Variants in ZNF404 observed in about 807,000 individuals in gnomAD.
The protein encoded by ZNF404 is zinc finger protein 404.
A neutral mutation model predicts 7.3 loss-of-function variants in ZNF404; 7 were observed. That is an observed-to-expected ratio of 0.95 (90% confidence interval 0.54 to 1.79). ZNF404 has a LOEUF of 1.79. Among genes scored for constraint, ZNF404 ranks in the 40% most tolerant of loss-of-function variants. The probability of loss-of-function intolerance (pLI) is 0.00; values close to 1 mark genes in which losing one functional copy is unlikely to be tolerated. For missense variants in ZNF404, 560 were observed against 661.5 expected, an observed-to-expected ratio of 0.85 and a Z score of 1.68; for synonymous variants, 191 against 209.9, an observed-to-expected ratio of 0.91 and a Z score of 0.78.
Position 43,873,008 on chromosome 19 carries a change from CTGATGT to C in ZNF404, c.1200_1205del (p.His401_Gln402del). 1 of 1,603,164 alleles carries C rather than the reference CTGATGT, an allele frequency of 6.2e-7. No individual in the cohort carries two copies. Among genetic ancestry groups the C allele is most frequent in the Non-Finnish European group, 8.5e-7 (1 of 1,173,818 alleles). ...ATGGCTTCAAATCAGTATGAATTAT[CTGATGT>C]TGAATAAGATATGAATGAAGCTTAA... On this transcript the variant is annotated inframe_deletion, in exon 3 of 3. Transcript: ENST00000587539.
At chr19:43,879,280 A>C (rs1971876195) in intron 2 of ZNF404, among the ~76,000 whole-genome samples, 1 of 152,194 alleles carries the variant, frequency 6.6e-6, no homozygotes, top group Admixed American at 6.6e-5. Context: ...TAGAAAACAG[A>C]ATAAGTGAGC....
rs1452536661 is a variant in ZNF404, at chr19:43,872,490, TTC to T, written c.*63_*64del. ...ATATTCTATATTAACTAGTTTAATCTTCACTATAGCATCATAATAGTGACAAC... is the reference window on the plus strand; with the variant it reads ...ATATTCTATATTAACTAGTTTAATCTACTATAGCATCATAATAGTGACAAC... On this transcript the variant is annotated 3_prime_UTR_variant, in exon 3 of 3. Coordinates refer to ENST00000587539, the MANE Select transcript of ZNF404 (RefSeq NM_001033719.3). The surrounding 1 kb of genome is among the most constrained non-coding windows in gnomAD (Gnocchi z 4.4). 1 of 1,297,876 alleles carries T rather than the reference TTC, an allele frequency of 7.7e-7. No homozygotes were observed. The highest frequency in any genetic ancestry group is 1.5e-5 in the African/African-American group (1 of 66,980). The allele number at this position is 1,297,876 out of a possible 1,614,324, so 80.4% of individuals were successfully genotyped here.
At chr19:43,874,155 G>A (rs1017104454) in intron 2 of ZNF404, 78 bp from the exon 3 acceptor site, 66 of 987,110 alleles carry the variant, frequency 6.7e-5, no homozygotes, top group Non-Finnish European at 8.6e-5. Flanking sequence ...ATTAAAAATA[G>A]TGATAAACTA....
At chr19:43,883,892 T>C (rs1344077330) in intron 1 of ZNF404, 64 bp downstream of exon 1, 17 of 1,568,458 alleles carry the variant, frequency 1.1e-5, no homozygotes, top group Non-Finnish European at 7.8e-6. Flanking sequence ...ATTAAAAAAA[T>C]GAAAATATTA....
chr19:43,883,037 G>C lies in ZNF404; in HGVS notation c.9+919C>G, dbSNP rs1430234035. ...AATCGCTTGAACCTGGGCAGCAGAG[G>C]TTGCAGTGAGCCAAGATAACGCCAC... On this transcript the variant is annotated intron_variant, in intron 1 of 2. Transcript: ENST00000587539. Among the ~76,000 whole-genome samples the C allele has an allele frequency of 3.3e-5, 5 of 151,966 alleles. No homozygotes were observed. The East Asian group carries it at 9.7e-4, about 30-fold the overall frequency.
At chr19:43,880,554 C>G (rs533243111) in intron 1 of ZNF404, among the ~76,000 whole-genome samples, 43 of 152,210 alleles carry the variant, frequency 2.8e-4, no homozygotes, top group African/African-American at 9.6e-4. Context: ...ATTATAAAAT[C>G]TTTTCCAGCC....
chr19:43,879,218 A>G (rs575767088), intron 2 of ZNF404, among the ~76,000 whole-genome samples: 5 of 152,330 alleles, frequency 3.3e-5, no homozygotes, highest in South Asian at 4.1e-4. Context: ...AGAGAATTAA[A>G]TTGAATTTCT....
intron 1 of ZNF404, among the ~76,000 whole-genome samples, chr19:43,881,418 T>C (rs951065593): frequency 7.9e-5 from 12 of 152,160 alleles, no homozygotes; most frequent in Non-Finnish European, 1.6e-4. Context: ...TAAACATAAA[T>C]GGCATTTTAA....
intron 1 of ZNF404, among the ~76,000 whole-genome samples, chr19:43,882,234 C>T (rs942622510): frequency 6.6e-6 from 1 of 152,008 alleles, no homozygotes; most frequent in African/African-American, 2.4e-5. Context: ...AAACAAGTGA[C>T]TAAAGGCAAT....
chr19:43,877,582 AT>A (rs1328528741), intron 2 of ZNF404, among the ~76,000 whole-genome samples: 2 of 151,688 alleles, frequency 1.3e-5, no homozygotes, highest in African/African-American at 4.8e-5. Context: ...TTATTTATTT[AT>A]TTATTTTTTA....
At position 43,873,255 on chromosome 19, in the gene ZNF404, C is replaced by T. The variant is rs377482373; in HGVS notation, c.959G>A (p.Ser320Asn). ...TTCATGAGGTTTCTCACCAGTATGA[C>T]TTCTTTGATGTTCAACAAGTAGATA... ...RSYLLVEHQR[S>N]HTGEKPHECM... The change falls in exon 3 of 3, where the codon AGT (serine) becomes AAT (asparagine). Residue 320 changes from serine (S) to asparagine (N), a missense_variant. Physicochemically the swap from Ser to Asn is conservative, Grantham distance 46 (BLOSUM62 1). Coordinates refer to ENST00000587539, the MANE Select transcript of ZNF404 (RefSeq NM_001033719.3). 3 of 1,613,594 alleles carry T rather than the reference C, an allele frequency of 1.9e-6. No individual in the cohort carries two copies. Among genetic ancestry groups the T allele is most frequent in the Non-Finnish European group, 2.5e-6 (3 of 1,179,654 alleles).
intron 2 of ZNF404, among the ~76,000 whole-genome samples, chr19:43,875,212 T>C (rs918808651): frequency 6.6e-6 from 1 of 152,236 alleles, no homozygotes; most frequent in African/African-American, 2.4e-5. Context: ...ATTCTTTCCT[T>C]TGCATAGCCA....
chr19:43,872,901 G>A lies in ZNF404; in HGVS notation c.1313C>T (p.Pro438Leu). 6.2e-7 allele frequency: 1 copy of A among 1,607,872 alleles called. No individual in the cohort carries two copies. The highest frequency in any genetic ancestry group is 8.5e-7 in the Non-Finnish European group (1 of 1,176,606). Reference sequence around the variant, plus strand: ...TTTTCCACATTCCTTACATTCATAGGGTTTCTCCCCAGCATGAATTGATTG... The same window carrying A: ...TTTTCCACATTCCTTACATTCATAGAGTTTCTCCCCAGCATGAATTGATTG... ...THQSIHAGEK[P>L]YECKECGKTF... Residue 438 changes from proline to leucine, a missense_variant, in exon 3 of 3, where the codon CCC (proline) becomes CTC (leucine). Coordinates refer to ENST00000587539, the MANE Select transcript of ZNF404 (RefSeq NM_001033719.3). This position sits in a 1 kb window ranked among gnomAD's most constrained non-coding sequence, Gnocchi z 4.4.
Position 43,873,623 on chromosome 19 carries a change from C to T in ZNF404, c.591G>A (p.Arg197=). 2.5e-6 allele frequency: 4 copies of T among 1,613,364 alleles called. No individual in the cohort carries two copies. Among genetic ancestry groups the T allele is most frequent in the Non-Finnish European group, 3.4e-6 (4 of 1,179,642 alleles). ...YECNGCEKAF[R]FYSQLIQHQI... is the part of the protein sequence containing the mutation. ...GATGCTGAATAAGCTGTGAATAAAACCTAAAGGCCTTCTCACATCCATTGC... is the reference window on the plus strand; with the variant it reads ...GATGCTGAATAAGCTGTGAATAAAATCTAAAGGCCTTCTCACATCCATTGC... The change falls in exon 3 of 3, where the codon AGG becomes AGA. Residue 197 remains arginine, a synonymous_variant. Transcript: ENST00000587539.
At chr19:43,880,571 G>A (rs763696949) in intron 1 of ZNF404, among the ~76,000 whole-genome samples, 2 of 152,066 alleles carry the variant, frequency 1.3e-5, no homozygotes, top group Non-Finnish European at 2.9e-5. Flanking sequence ...AGCCAACACG[G>A]AATAACAGGG....
chr19:43,875,108 C>T (rs554668009), intron 2 of ZNF404, among the ~76,000 whole-genome samples: 46 of 152,228 alleles, frequency 3.0e-4, no homozygotes, highest in South Asian at 2.1e-3. Flanking sequence ...TCCAAAATAG[C>T]TCAGTCAAGA....
At chr19:43,877,316 C>T (rs893829524) in intron 2 of ZNF404, among the ~76,000 whole-genome samples, 3 of 151,946 alleles carry the variant, frequency 2.0e-5, no homozygotes, top group Admixed American at 6.6e-5. Flanking sequence ...ATATTTTTCC[C>T]CACAAACAGC....
At position 43,872,838 on chromosome 19, in the gene ZNF404, G is replaced by C. The variant is rs746283014; in HGVS notation, c.1376C>G (p.Thr459Arg). Residue 459 changes from threonine (T) to arginine (R), a missense_variant, in exon 3 of 3, where the codon ACA becomes AGA. Thr to Arg is a moderately conservative substitution (Grantham distance 71). Coordinates refer to ENST00000587539, the MANE Select transcript of ZNF404 (RefSeq NM_001033719.3). The surrounding 1 kb of genome is among the most constrained non-coding windows in gnomAD (Gnocchi z 4.4). ...RLNSQLIYHQTIHTGLKPYVC... is the reference protein window; with the variant it reads ...RLNSQLIYHQRIHTGLKPYVC... ...ATAGGGTTTCAAACCAGTATGAATT[G>C]TCTGATGATAAATTAGTTGAGAATT... 6.2e-7 allele frequency: 1 copy of C among 1,609,522 alleles called. No homozygotes were observed. Among genetic ancestry groups the C allele is most frequent in the Non-Finnish European group, 8.5e-7 (1 of 1,177,446 alleles).
intron 2 of ZNF404, among the ~76,000 whole-genome samples, chr19:43,878,816 A>C (rs58002838): frequency 6.6e-6 from 1 of 152,218 alleles, no homozygotes; most frequent in Non-Finnish European, 1.5e-5. Flanking sequence ...GTAGCTGAGC[A>C]TTATCAAACT....
Sources: gnomAD v4.1 joint callset for allele counts (sites outside exome capture counted in the v4.1 genomes callset) on GRCh38, gnomAD v4.1.1 for gene constraint, Gnocchi (gnomAD v3.1) non-coding constraint, MANE v1.5 for transcripts, NCBI Gene and HGNC (gene_info 2026-07-23, HGNC 2026-07-21) for gene names.